PPARGC1A: variants seen among roughly 807,000 people sequenced by gnomAD.
PPARGC1A encodes peroxisome proliferator-activated receptor gamma coactivator 1-alpha.
PPARGC1A carries 25 observed loss-of-function variants against 88.7 expected under a neutral mutation model. The ratio of observed to expected loss-of-function variants is 0.28; its 90% CI spans 0.21 to 0.39. PPARGC1A has a LOEUF of 0.39. Among genes scored for constraint, PPARGC1A ranks in the 10% least tolerant of loss-of-function variants. PPARGC1A has a pLI of 1.00. For synonymous variants in PPARGC1A, 363 were observed against 355.6 expected (o/e 1.02, Z -0.24); for missense variants, 880 against 968.7 (o/e 0.91, Z 1.22).
At chr4:24,137,870 G>A in the PPARGC1A span, among the ~76,000 whole-genome samples, 5 of 152,190 alleles carry the variant, frequency 3.3e-5, no homozygotes, top group South Asian at 4.2e-4. Flanking sequence ...GAGCTAACCC[G>A]TTTCCCCCCT....
the PPARGC1A span, among the ~76,000 whole-genome samples, chr4:24,107,938 C>T: frequency 1.3e-5 from 2 of 152,092 alleles, no homozygotes; most frequent in Admixed American, 6.5e-5. Context: ...AAGTAGATAG[C>T]CACTGGTGAC....
At chr4:24,367,887 C>T in the PPARGC1A span, among the ~76,000 whole-genome samples, 1 of 152,100 alleles carries the variant, frequency 6.6e-6, no homozygotes. Flanking sequence ...CAGGGACAAT[C>T]GCTGCAATCA....
chr4:24,375,914 C>T, the PPARGC1A span, among the ~76,000 whole-genome samples: 130 of 151,804 alleles, frequency 8.6e-4, no homozygotes, highest in African/African-American at 3.1e-3. Context: ...AGAGGAAAGG[C>T]AGAACAGGCC....
At chr4:23,919,914 C>T in the PPARGC1A span, among the ~76,000 whole-genome samples, 6 of 152,128 alleles carry the variant, frequency 3.9e-5, no homozygotes, top group South Asian at 2.1e-4. Flanking sequence ...ATAAAAGATC[C>T]GCTAAGAGGA....
the PPARGC1A span, among the ~76,000 whole-genome samples, chr4:24,280,120 G>A: frequency 6.6e-6 from 1 of 152,086 alleles, no homozygotes; most frequent in Non-Finnish European, 1.5e-5. Context: ...GTTAACCACT[G>A]GCTTGCAGAG....
chr4:23,793,324 A>G lies in PPARGC1A; in HGVS notation c.*2498T>C, dbSNP rs1006812310. On this transcript the variant is annotated 3_prime_UTR_variant, in exon 13 of 13. Coordinates refer to ENST00000264867, the MANE Select transcript of PPARGC1A (RefSeq NM_013261.5). ...GGATTAAAGATGTGTTACTGTTGTAACGCAGAACCTGTGAACAAGTTCTTT... is the reference window on the plus strand; with the variant it reads ...GGATTAAAGATGTGTTACTGTTGTAGCGCAGAACCTGTGAACAAGTTCTTT... 6.6e-6 allele frequency: 1 copy of G among 152,592 alleles called. No individual in the cohort carries two copies. Among genetic ancestry groups the G allele is most frequent in the African/African-American group, 2.4e-5 (1 of 41,442 alleles). 9.5% of individuals were successfully genotyped at this position (152,592 alleles called of 1,614,324 possible). A position where few individuals can be genotyped will look rare whatever the true frequency, so the allele number is the denominator to read the frequency against.
the PPARGC1A span, among the ~76,000 whole-genome samples, chr4:24,252,932 T>C: frequency 6.6e-6 from 1 of 152,216 alleles, no homozygotes; most frequent in South Asian, 2.1e-4. Flanking sequence ...ATTTATAATA[T>C]AGCCTCTATA....
chr4:24,132,708 G>C, the PPARGC1A span, among the ~76,000 whole-genome samples: 22 of 152,280 alleles, frequency 1.4e-4, no homozygotes, highest in Admixed American at 7.2e-4. Context: ...TCAAAACCTG[G>C]TGTAGGGGGT....
chr4:23,906,408 T>C (rs1720038017), upstream of PPARGC1A, among the ~76,000 whole-genome samples: 1 of 149,584 alleles, frequency 6.7e-6, no homozygotes, highest in Admixed American at 6.7e-5. Context: ...AGATCAGGAG[T>C]TCAAGACCAG....
At chr4:24,369,075 A>G in the PPARGC1A span, among the ~76,000 whole-genome samples, 24 of 152,260 alleles carry the variant, frequency 1.6e-4, no homozygotes, top group East Asian at 4.2e-3. Context: ...CCCACTAATT[A>G]TCTCTTCCCA....
At chr4:24,186,810 CA>C in the PPARGC1A span, among the ~76,000 whole-genome samples, 68 of 135,198 alleles carry the variant, frequency 5.0e-4, no homozygotes, top group Non-Finnish European at 3.4e-4. Context: ...TACTTGCCTG[CA>C]AAAAAAAAAT....
the PPARGC1A span, among the ~76,000 whole-genome samples, chr4:24,184,831 G>T: frequency 6.6e-6 from 1 of 152,166 alleles, no homozygotes; most frequent in East Asian, 1.9e-4. Flanking sequence ...CTTCAGAAGA[G>T]AAATGATGAG....
At chr4:24,189,996 T>C in the PPARGC1A span, among the ~76,000 whole-genome samples, 1 of 152,154 alleles carries the variant, frequency 6.6e-6, no homozygotes, top group African/African-American at 2.4e-5. Context: ...ATGCAATAAA[T>C]AAATTCTTGC....
At chr4:23,967,406 G>C in the PPARGC1A span, among the ~76,000 whole-genome samples, 1 of 152,132 alleles carries the variant, frequency 6.6e-6, no homozygotes, top group Non-Finnish European at 1.5e-5. Flanking sequence ...GGCTGCAATG[G>C]CTCTGAGCAA....
chr4:24,385,206 C>T, the PPARGC1A span, among the ~76,000 whole-genome samples: 5 of 152,212 alleles, frequency 3.3e-5, no homozygotes, highest in African/African-American at 9.6e-5. Context: ...AGAACAGAGA[C>T]ACAACGTACC....
the PPARGC1A span, among the ~76,000 whole-genome samples, chr4:24,208,105 C>T: frequency 6.6e-6 from 1 of 151,880 alleles, no homozygotes; most frequent in Non-Finnish European, 1.5e-5. Context: ...ATAAAGAGAC[C>T]CTCTCTCTAG....
At chr4:24,436,554 C>G in the PPARGC1A span, among the ~76,000 whole-genome samples, 200 of 93,978 alleles carry the variant, frequency 2.1e-3, 1 homozygote, top group South Asian at 4.2e-3. Context: ...CCGGGTCACA[C>G]AGCTGACATC....
the PPARGC1A span, among the ~76,000 whole-genome samples, chr4:24,123,758 G>A: frequency 1.1e-4 from 16 of 152,050 alleles, no homozygotes; most frequent in Non-Finnish European, 1.9e-4. Context: ...CTGACTTCCC[G>A]TAAGAAGCTG....
the PPARGC1A span, among the ~76,000 whole-genome samples, chr4:24,290,090 C>A: frequency 6.6e-6 from 1 of 152,126 alleles, no homozygotes; most frequent in Non-Finnish European, 1.5e-5. Flanking sequence ...GGGAAAAACC[C>A]ACCCCCATGA....
Sources: gnomAD v4.1 joint callset for allele counts (sites outside exome capture counted in the v4.1 genomes callset) on GRCh38, gnomAD v4.1.1 for gene constraint, MANE v1.5 for transcripts, NCBI Gene and HGNC (gene_info 2026-07-23, HGNC 2026-07-21) for gene names.